SENP5: variants seen among roughly 807,000 people sequenced by gnomAD.
SENP5 encodes the protein SUMO specific peptidase 5, also known as sentrin-specific protease 5.
A neutral mutation model predicts 74.2 loss-of-function variants in SENP5; 21 were observed. The observed-to-expected ratio is 0.28, with a 90% CI of 0.20 to 0.41. The LOEUF is 0.41. Among genes scored for constraint, SENP5 ranks in the 10% least tolerant of loss-of-function variants. The pLI is 1.00. For synonymous variants in SENP5, 311 were observed against 312.7 expected (o/e 0.99, Z 0.06); for missense variants, 717 against 889.1 (o/e 0.81, Z 2.46).
intron 6 of SENP5, among the ~76,000 whole-genome samples, chr3:196,910,106 A>G (rs765987643): frequency 7.2e-5 from 11 of 152,178 alleles, no homozygotes; most frequent in South Asian, 2.1e-4. Flanking sequence ...TACGCCAGCA[A>G]TGGACAAGCA....
At chr3:196,910,335 CTTTTTTTTTTTTTTTT>C (rs869108574) in intron 6 of SENP5, among the ~76,000 whole-genome samples, 17 of 51,340 alleles carry the variant, frequency 3.3e-4, no homozygotes, top group African/African-American at 4.7e-4. Flanking sequence ...CCAAAGTAAT[CTTTTTTTTTTTTTTTT>C]TTTTTTTTTT....
At chr3:196,917,477 A>G (rs1301296577) in intron 6 of SENP5, among the ~76,000 whole-genome samples, 2 of 152,164 alleles carry the variant, frequency 1.3e-5, no homozygotes, top group Non-Finnish European at 2.9e-5. Flanking sequence ...TAGAACACCA[A>G]GAAGATTTAA....
At chr3:196,892,109 AG>A (rs1211548598) in intron 2 of SENP5, among the ~76,000 whole-genome samples, 1 of 150,970 alleles carries the variant, frequency 6.6e-6, no homozygotes, top group African/African-American at 2.4e-5. Context: ...TCTTAAAAAA[AG>A]AAAAAAAAAA....
At chr3:196,879,190 T>C (rs981550495) in intron 1 of SENP5, among the ~76,000 whole-genome samples, 6 of 152,216 alleles carry the variant, frequency 3.9e-5, no homozygotes, top group African/African-American at 1.4e-4. Flanking sequence ...ACCAAGAATT[T>C]CCCACACATT....
chr3:196,886,227 A>G lies in SENP5; in HGVS notation c.1046A>G (p.Asn349Ser). 6.2e-7 allele frequency: 1 copy of G among 1,614,196 alleles called. No homozygotes were observed. Residue 349 changes from asparagine (N) to serine (S), a missense_variant, in exon 2 of 10, where the codon AAT becomes AGT. Transcript: ENST00000323460. The stretch of plus-strand genomic sequence containing the variant: ...GACGAAGCATTCCCTGACCAACAGA[A>G]TGGCAGTGCCACAAACGCCTGGGAC... ...SLDEAFPDQQ[N>S]GSATNAWDQS...
chr3:196,900,141 CTCAGT>C (rs1467348538), intron 4 of SENP5, 79 bp downstream of exon 4: 16 of 1,522,648 alleles, frequency 1.1e-5, no homozygotes, highest in Non-Finnish European at 1.4e-5. Flanking sequence ...AGTTTGGCTT[CTCAGT>C]TGTCTTTTGG....
At chr3:196,877,801 G>C (rs959694405) in intron 1 of SENP5, among the ~76,000 whole-genome samples, 3 of 152,102 alleles carry the variant, frequency 2.0e-5, no homozygotes, top group Non-Finnish European at 2.9e-5. Flanking sequence ...GCACAGTTTG[G>C]GAACTGTGAT....
At chr3:196,928,997 C>T (rs1331888804) in intron 8 of SENP5, among the ~76,000 whole-genome samples, 1 of 152,114 alleles carries the variant, frequency 6.6e-6, no homozygotes, top group Admixed American at 6.5e-5. Context: ...CAAGACCAGC[C>T]TGGGCAACAT....
rs1439329202 is a variant in SENP5 at position 196,932,626 on chromosome 3, G to GA, written c.*1709dup. On this transcript the variant is annotated 3_prime_UTR_variant, in exon 10 of 10. Coordinates refer to ENST00000323460, the MANE Select transcript of SENP5 (RefSeq NM_152699.5). ...ATAGGTGGGGTTCTGTCAGCGTTAG[G>GA]AAAAAATGACAGTTTAGGGTAAGGA... 6.6e-6 allele frequency: 1 copy of GA among 151,314 alleles called. No homozygotes were observed. 9.4% of individuals were successfully genotyped at this position (151,314 alleles called of 1,614,324 possible). A position where few individuals can be genotyped will look rare whatever the true frequency, so the allele number is the denominator to read the frequency against.
intron 6 of SENP5, among the ~76,000 whole-genome samples, chr3:196,915,790 A>G (rs1715343698): frequency 6.6e-6 from 1 of 152,202 alleles, no homozygotes; most frequent in Admixed American, 6.5e-5. Flanking sequence ...ATCTTACCCA[A>G]GCACACCAAG....
chr3:196,907,188 G>C (rs184735340), intron 6 of SENP5, among the ~76,000 whole-genome samples: 67 of 152,150 alleles, frequency 4.4e-4, no homozygotes, highest in Middle Eastern at 3.4e-3. Context: ...GATAATGAAC[G>C]ATGGGCCGGG....
At chr3:196,911,818 AC>A (rs1327272397) in intron 6 of SENP5, among the ~76,000 whole-genome samples, 10 of 152,040 alleles carry the variant, frequency 6.6e-5, no homozygotes, top group South Asian at 4.1e-4. Context: ...TCAAAAAAAA[AC>A]AAAACAAAAA....
intron 6 of SENP5, among the ~76,000 whole-genome samples, chr3:196,912,295 A>G (rs1253366692): frequency 6.6e-6 from 1 of 152,218 alleles, no homozygotes; most frequent in East Asian, 1.9e-4. Context: ...GCTGGAAGCC[A>G]TCATCCTCAG....
chr3:196,880,209 G>A (rs1244568433), intron 1 of SENP5, among the ~76,000 whole-genome samples: 4 of 152,200 alleles, frequency 2.6e-5, no homozygotes, highest in African/African-American at 9.6e-5. Flanking sequence ...GCCTCCCAAA[G>A]TGCTGGGATC....
intron 2 of SENP5, among the ~76,000 whole-genome samples, chr3:196,887,428 C>T (rs768361195): frequency 3.3e-5 from 5 of 152,038 alleles, no homozygotes; most frequent in African/African-American, 4.8e-5. Flanking sequence ...GATCCACCCA[C>T]CTTGGCCTCC....
chr3:196,903,360 G>A (rs1217065091), intron 5 of SENP5, among the ~76,000 whole-genome samples, 173 bp from the exon 6 acceptor site: 5 of 152,114 alleles, frequency 3.3e-5, no homozygotes, highest in East Asian at 1.9e-4. Context: ...GGCTGGCCTC[G>A]AACTCCTGAC....
At chr3:196,895,465 C>G (rs1577814367) in intron 2 of SENP5, among the ~76,000 whole-genome samples, 2 of 152,158 alleles carry the variant, frequency 1.3e-5, no homozygotes, top group Non-Finnish European at 2.9e-5. Context: ...GGATTACAGG[C>G]GTAAGCCACC....
intron 2 of SENP5, 92 bp from the exon 3 acceptor site, chr3:196,899,574 A>T (rs1714609506): frequency 8.2e-6 from 6 of 734,858 alleles, no homozygotes; most frequent in Non-Finnish European, 1.5e-5. Flanking sequence ...TGTATGTGTT[A>T]AGTGCTGTGT....
chr3:196,924,264 C>T (rs1311622036), intron 7 of SENP5, among the ~76,000 whole-genome samples: 1 of 152,060 alleles, frequency 6.6e-6, no homozygotes, highest in African/African-American at 2.4e-5. Context: ...ATTTAACCAC[C>T]TAATAATTTA....
Sources: allele counts gnomAD v4.1 joint callset (sites outside exome capture counted in the v4.1 genomes callset), GRCh38; gene constraint gnomAD v4.1.1; transcripts MANE v1.5; gene names NCBI Gene and HGNC (gene_info 2026-07-23, HGNC 2026-07-21).